KLHDC2: variants seen among roughly 807,000 people sequenced by gnomAD.
KLHDC2 encodes kelch domain containing 2, also known as kelch domain-containing protein 2.
Under a neutral mutation model 62.3 loss-of-function variants are expected in KLHDC2, and 38 were observed. The ratio of observed to expected loss-of-function variants is 0.61; its 90% confidence interval spans 0.47 to 0.80. KLHDC2 has a LOEUF of 0.80. Ranked by LOEUF, KLHDC2 falls within the 30% of genes least tolerant of loss-of-function variation. The pLI is 0.00. For synonymous variants in KLHDC2, 159 were observed against 161.0 expected (o/e 0.99, Z 0.09); for missense variants, 430 against 495.3 (o/e 0.87, Z 1.25).
intron 2 of KLHDC2, among the ~76,000 whole-genome samples, chr14:49,772,800 A>G (rs1889691431): frequency 1.3e-5 from 2 of 152,090 alleles, no homozygotes; most frequent in Non-Finnish European, 2.9e-5. Context: ...CTACAAAAAT[A>G]CAAAAATTAG....
At chr14:49,778,849 G>A (rs1052725246) in intron 6 of KLHDC2, among the ~76,000 whole-genome samples, 1 of 151,522 alleles carries the variant, frequency 6.6e-6, no homozygotes, top group African/African-American at 2.4e-5. Context: ...TCAGCCTCCT[G>A]AGTATCTGGG....
Position 49,768,257 on chromosome 14 carries a change from G to A in KLHDC2, c.-212G>A. The A allele has an allele frequency of 2.1e-6, 1 of 480,310 alleles. No homozygotes were observed. The highest frequency in any genetic ancestry group is 3.6e-6 in the Non-Finnish European group (1 of 278,972). 29.8% of individuals were successfully genotyped at this position (480,310 alleles called of 1,614,324 possible). A position where few individuals can be genotyped will look rare whatever the true frequency, so the allele number is the denominator to read the frequency against. ...GCCCGGCTCCGCTCGCGGCCCCTCT[G>A]TCTGCAGGCGTGCCCCGGCGGCGGC... is the stretch of plus-strand genomic sequence containing the variant. On this transcript the variant is annotated 5_prime_UTR_variant, in exon 1 of 13. Coordinates refer to ENST00000298307, the MANE Select transcript of KLHDC2 (RefSeq NM_014315.3).
Position 49,783,058 on chromosome 14 carries a change from C to CTGT in KLHDC2, c.*108_*110dup. 8.0e-7 allele frequency: 1 copy of CTGT among 1,256,962 alleles called. No homozygotes were observed. The allele number at this position is 1,256,962 out of a possible 1,614,324, so 77.9% of individuals were successfully genotyped here. A position where few individuals can be genotyped will look rare whatever the true frequency, so the allele number is the denominator to read the frequency against. On this transcript the variant is annotated 3_prime_UTR_variant, in exon 13 of 13. Transcript: ENST00000298307. Reference sequence around the variant, plus strand: ...TTATATGCATTGTTGTAGTTTGCACCTGTTGGTTTTAATGTGCATGTGAAT... The same window carrying CTGT: ...TTATATGCATTGTTGTAGTTTGCACCTGTTGTTGGTTTTAATGTGCATGTGAAT...
In KLHDC2 at chr14:49,779,725, ATAACT is replaced by A. The variant is rs779789674; in HGVS notation, c.715-19_715-15del. The A allele has an allele frequency of 3.1e-6, 5 of 1,610,198 alleles. No homozygotes were observed. The highest frequency in any genetic ancestry group is 3.3e-5 in the Admixed American group (2 of 60,020). On this transcript the variant is annotated intron_variant, in intron 7 of 12. Transcript: ENST00000298307. ...ACTTGCTTTTGAATTCTTCAAAATGATAACTTAATTATCCTTTTTTAGGATGCTAG... is the reference window on the plus strand; with the variant it reads ...ACTTGCTTTTGAATTCTTCAAAATGATAATTATCCTTTTTTAGGATGCTAG...
chr14:49,785,373 A>T lies in KLHDC2; in HGVS notation c.*2420A>T. On this transcript the variant is annotated 3_prime_UTR_variant, in exon 13 of 13. Transcript: ENST00000298307. ...GGCAATTTATACCGCCCTTTACAAA[A>T]AATGCTAAAACACTTGAATTAGTAT... 1 of 1,223,814 alleles carries T rather than the reference A, an allele frequency of 8.2e-7. No individual in the cohort carries two copies. The highest frequency in any genetic ancestry group is 1.2e-6 in the Non-Finnish European group (1 of 825,630). The allele number at this position is 1,223,814 out of a possible 1,614,324, so 75.8% of individuals were successfully genotyped here.
At position 49,778,277 on chromosome 14, in the gene KLHDC2, T is replaced by C. The variant is rs762758764; in HGVS notation, c.549+18T>C. 6.6e-7 allele frequency: 1 copy of C among 1,509,902 alleles called. No individual in the cohort carries two copies. The highest frequency in any genetic ancestry group is 1.1e-5 in the South Asian group (1 of 87,200). 93.5% of individuals were successfully genotyped at this position (1,509,902 alleles called of 1,614,324 possible). A position where few individuals can be genotyped will look rare whatever the true frequency, so the allele number is the denominator to read the frequency against. On this transcript the variant is annotated intron_variant, in intron 5 of 12. Transcript: ENST00000298307. ...CTTTTTGGGTAAGTGAAGTTTCATA[T>C]TTGCATATGGCCTCCTTAGTATGTT...
chr14:49,778,552 G>A (rs1420936209), intron 6 of KLHDC2, 58 bp downstream of exon 6: 4 of 692,756 alleles, frequency 5.8e-6, no homozygotes, highest in African/African-American at 3.6e-5. Flanking sequence ...GGGGAGGGGT[G>A]GGGTAGGGGA....
rs118040343 is a variant in KLHDC2 at position 49,775,472 on chromosome 14, G to A, written c.351+794G>A. On this transcript the variant is annotated intron_variant, in intron 3 of 12. Coordinates refer to ENST00000298307, the MANE Select transcript of KLHDC2 (RefSeq NM_014315.3). ...TGGCATATAGAAAATAACTCAGTAA[G>A]TATTGTTGAAACTGAAAACTTTGAC... Among the ~76,000 whole-genome samples, 133 of 152,290 alleles carry A rather than the reference G, an allele frequency of 8.7e-4. 4 individuals carry two copies. In the East Asian group the frequency reaches 0.018, roughly 20 times the overall value.
At position 49,774,625 on chromosome 14, in the gene KLHDC2, G is replaced by C. The variant is rs1889734127; in HGVS notation, c.298G>C (p.Asp100His). The part of the protein sequence containing the change: ...SMSGSCAVCV[D>H]RVLYLFGGHH... ...GTCAGGAAGCTGTGCTGTGTGTGTA[G>C]ACAGGGTGCTGTACTTGTTTGGAGG... Residue 100 changes from aspartate to histidine, a missense_variant, in exon 3 of 13, where the codon GAC becomes CAC. By Grantham distance (81) the Asp-to-His change is moderately conservative (BLOSUM62 -1). Coordinates refer to ENST00000298307, the MANE Select transcript of KLHDC2 (RefSeq NM_014315.3). 6.2e-7 allele frequency: 1 copy of C among 1,614,026 alleles called. No individual in the cohort carries two copies. The highest frequency in any genetic ancestry group is 2.2e-5 in the East Asian group (1 of 44,882).
intron 10 of KLHDC2, among the ~76,000 whole-genome samples, chr14:49,781,127 C>G (rs1322221072): frequency 6.6e-6 from 1 of 152,174 alleles, no homozygotes; most frequent in Non-Finnish European, 1.5e-5. Context: ...AATCCCAGCA[C>G]TTTAGGAGGC....
rs771124386 is a variant in KLHDC2, at chr14:49,768,612, C to T, written c.144C>T (p.Gly48=). 2.5e-6 allele frequency: 4 copies of T among 1,594,678 alleles called. No individual in the cohort carries two copies. The highest frequency in any genetic ancestry group is 4.6e-5 in the East Asian group (2 of 43,532). The change falls in exon 1 of 13, where the codon GGC becomes GGT. Residue 48 remains glycine (G), a synonymous_variant. Transcript: ENST00000298307. ...VSDGRHMFVW[G]GYKSNQVRGL... Reference sequence around the variant, plus strand: ...ACGGGCGCCACATGTTCGTCTGGGGCGGCTACAAGGTCAGTGAGTGGCCGG... The same window carrying T: ...ACGGGCGCCACATGTTCGTCTGGGGTGGCTACAAGGTCAGTGAGTGGCCGG...
intron 6 of KLHDC2, among the ~76,000 whole-genome samples, chr14:49,779,313 T>C (rs1464235504): frequency 6.6e-6 from 1 of 152,230 alleles, no homozygotes; most frequent in Non-Finnish European, 1.5e-5. Context: ...TCTTTTCCCT[T>C]TGACGCAGAT....
chr14:49,780,151 A>AAACTT, intron 8 of KLHDC2, 62 bp from the exon 9 acceptor site: 1 of 1,097,160 alleles, frequency 9.1e-7, no homozygotes, highest in Non-Finnish European at 1.4e-6. Context: ...TTTTAAAAGA[A>AAACTT]AACTTAAAAA....
chr14:49,771,653 C>T lies in KLHDC2; in HGVS notation c.213C>T (p.Tyr71=), dbSNP rs779057339. 6.6e-7 allele frequency: 1 copy of T among 1,517,274 alleles called. No individual in the cohort carries two copies. Among genetic ancestry groups the T allele is most frequent in the South Asian group, 1.1e-5 (1 of 89,070 alleles). 94.0% of individuals were successfully genotyped at this position (1,517,274 alleles called of 1,614,324 possible). Residue 71 remains tyrosine, a synonymous_variant, in exon 2 of 13, where the codon TAC becomes TAT. Coordinates refer to ENST00000298307, the MANE Select transcript of KLHDC2 (RefSeq NM_014315.3). ...TGCCTAGAGAAGAACTATGGATCTA[C>T]AACATGGAGACTGGAAGATGGTAAA... ...FYLPREELWI[Y]NMETGRWKKI...
Position 49,768,515 on chromosome 14 carries a change from C to T in KLHDC2, c.47C>T (p.Pro16Leu), listed in dbSNP as rs1195229964. Residue 16 changes from proline to leucine, a missense_variant, in exon 1 of 13, where the codon CCA (proline) becomes CTA (leucine). By Grantham distance (98) the Pro-to-Leu change is moderately conservative (BLOSUM62 -3). Coordinates refer to ENST00000298307, the MANE Select transcript of KLHDC2 (RefSeq NM_014315.3). ...CTGCGGGCTGACGACTTGCCTGGGC[C>T]AGCCTTCGAGAGCTATGAGTCCATG... ...EDLRADDLPGPAFESYESMEL... is the reference protein window; with the variant it reads ...EDLRADDLPGLAFESYESMEL... The T allele has an allele frequency of 9.3e-6, 15 of 1,610,378 alleles. No individual in the cohort carries two copies. The highest frequency in any genetic ancestry group is 6.6e-5 in the South Asian group (6 of 90,382).
At chr14:49,775,133 A>T (rs952632091) in intron 3 of KLHDC2, among the ~76,000 whole-genome samples, 1 of 152,236 alleles carries the variant, frequency 6.6e-6, no homozygotes, top group African/African-American at 2.4e-5. Flanking sequence ...TGCTGTTCAG[A>T]CTTTGCCGTA....
In KLHDC2 at chr14:49,786,035, T is replaced by C. The variant is rs1890162862; in HGVS notation, c.*3082T>C. On this transcript the variant is annotated 3_prime_UTR_variant, in exon 13 of 13. Transcript: ENST00000298307. Reference sequence around the variant, plus strand: ...GACTAATACCTTGGCTATACCACTATTTCTCGTCCTGGGGAGATTCTGCCC... The same window carrying C: ...GACTAATACCTTGGCTATACCACTACTTCTCGTCCTGGGGAGATTCTGCCC... 2 of 152,544 alleles carry C rather than the reference T, an allele frequency of 1.3e-5. No homozygotes were observed. The allele number at this position is 152,544 out of a possible 1,614,324, so 9.4% of individuals were successfully genotyped here.
At chr14:49,781,857 G>C (rs1889918518) in intron 10 of KLHDC2, among the ~76,000 whole-genome samples, 1 of 152,206 alleles carries the variant, frequency 6.6e-6, no homozygotes, top group Admixed American at 6.5e-5. Flanking sequence ...TAAAGGAAAT[G>C]ATACAGTCAA....
chr14:49,781,281 A>G (rs1248874599), intron 10 of KLHDC2, among the ~76,000 whole-genome samples: 1 of 149,358 alleles, frequency 6.7e-6, no homozygotes, highest in Non-Finnish European at 1.5e-5. Flanking sequence ...AGGCAGGACA[A>G]TTGCCTGAAC....
Sources: allele counts gnomAD v4.1 joint callset (sites outside exome capture counted in the v4.1 genomes callset), GRCh38; gene constraint gnomAD v4.1.1; transcripts MANE v1.5; gene names NCBI Gene and HGNC (gene_info 2026-07-23, HGNC 2026-07-21).